FHIP2A: variants seen among roughly 807,000 people sequenced by gnomAD.
FHIP2A encodes the protein FHF complex subunit HOOK interacting protein 2A.
Under a neutral mutation model 93.5 loss-of-function variants are expected in FHIP2A, and 46 were observed. That is an observed-to-expected ratio of 0.49 (90% CI 0.39 to 0.63). The LOEUF (loss-of-function observed/expected upper bound fraction) is 0.63. Ranked by LOEUF, FHIP2A falls within the 20% of genes least tolerant of loss-of-function variation. FHIP2A has a pLI of 0.00. For missense variants in FHIP2A, 769 were observed against 909.7 expected, an observed-to-expected ratio of 0.85 and a Z score of 1.99; for synonymous variants, 332 against 326.5, an observed-to-expected ratio of 1.02 and a Z score of -0.18.
In FHIP2A at chr10:114,890,481, A is replaced by G. The variant is rs1159241709; in HGVS notation, c.2193-9009A>G. On this transcript the variant is annotated intron_variant, in intron 16 of 16. Coordinates refer to the FHIP2A transcript ENST00000369250. ...TATATTTGCATATATTATATATACA[A>G]TATATACTATATATGACATATATAG... 2.7e-5 allele frequency among the ~76,000 whole-genome samples: 4 copies of G among 148,034 alleles called. No individual in the cohort carries two copies. The Admixed American group carries it at 2.7e-4, about 10-fold the overall frequency.
chr10:114,883,304 A>G (rs1217340580), intron 16 of FHIP2A, among the ~76,000 whole-genome samples: 1 of 152,114 alleles, frequency 6.6e-6, no homozygotes, highest in African/African-American at 2.4e-5. Flanking sequence ...GGGGATGAAG[A>G]GTGGCTTTGG....
At chr10:114,881,313 A>G (rs1013414978) in intron 16 of FHIP2A, among the ~76,000 whole-genome samples, 3 of 152,176 alleles carry the variant, frequency 2.0e-5, no homozygotes, top group Non-Finnish European at 4.4e-5. Flanking sequence ...AGCCTTCAAG[A>G]GTAAGGGAGA....
intron 16 of FHIP2A, among the ~76,000 whole-genome samples, chr10:114,870,289 A>T (rs10885620): frequency 0.55 from 83,593 of 151,884 alleles, 23,764 homozygotes; most frequent in African/African-American, 0.7. Flanking sequence ...CCTGTGTTAT[A>T]TTTAAAGACC....
At chr10:114,835,279 G>C (rs775631138) in intron 3 of FHIP2A, among the ~76,000 whole-genome samples, 1 of 152,122 alleles carries the variant, frequency 6.6e-6, no homozygotes, top group Non-Finnish European at 1.5e-5. Context: ...TATTATTACC[G>C]TGCTGTTTGT....
At position 114,861,419 on chromosome 10, in the gene FHIP2A, GT is replaced by G. The variant is rs1566378231; in HGVS notation, c.2193-10del. On this transcript the variant is annotated splice_polypyrimidine_tract_variant and intron_variant, in intron 16 of 16. Transcript: ENST00000369248. ...GCTATCTTGAATTGATTTATTGTCT[GT>G]TTTTTCCTTACCAGTATTGACCACA... 6.2e-7 allele frequency: 1 copy of G among 1,613,858 alleles called. No individual in the cohort carries two copies. Among genetic ancestry groups the G allele is most frequent in the Admixed American group, 1.7e-5 (1 of 59,958 alleles).
intron 14 of FHIP2A, 42 bp from the exon 15 acceptor site, chr10:114,860,707 A>G: frequency 6.9e-7 from 1 of 1,454,574 alleles, no homozygotes; most frequent in Non-Finnish European, 9.7e-7. Flanking sequence ...ACACCGGTAT[A>G]CATTATTTTT....
At chr10:114,858,706 A>G (rs961335310) in intron 14 of FHIP2A, among the ~76,000 whole-genome samples, 2 of 151,800 alleles carry the variant, frequency 1.3e-5, no homozygotes, top group African/African-American at 2.4e-5. Context: ...AGAGAAGGCT[A>G]TTCTGTTGCA....
At chr10:114,825,401 A>G (rs2083567366) in intron 1 of FHIP2A, among the ~76,000 whole-genome samples, 1 of 152,216 alleles carries the variant, frequency 6.6e-6, no homozygotes, top group African/African-American at 2.4e-5. Context: ...CTTACTGTTT[A>G]ATTAATGGTT....
At chr10:114,843,644 T>C in intron 6 of FHIP2A, 97 bp from the exon 7 acceptor site, 1 of 935,510 alleles carries the variant, frequency 1.1e-6, no homozygotes, top group South Asian at 2.6e-5. Context: ...TATTTTTCTT[T>C]TAGTGTGAAA....
chr10:114,835,967 G>T (rs1160863619), intron 4 of FHIP2A, among the ~76,000 whole-genome samples, 157 bp from the exon 5 acceptor site: 2 of 151,902 alleles, frequency 1.3e-5, no homozygotes, highest in South Asian at 2.1e-4. Context: ...AGTTTATTTT[G>T]ATATAGATAA....
intron 5 of FHIP2A, among the ~76,000 whole-genome samples, chr10:114,840,127 A>T (rs2083660975): frequency 6.6e-6 from 1 of 151,356 alleles, no homozygotes. Flanking sequence ...GGTGATTCAC[A>T]CCTGTAATCC....
At chr10:114,889,017 C>A (rs556091137) in intron 16 of FHIP2A, among the ~76,000 whole-genome samples, 1 of 152,088 alleles carries the variant, frequency 6.6e-6, no homozygotes, top group African/African-American at 2.4e-5. Context: ...ATCTATATTG[C>A]TTACCAAAAG....
chr10:114,889,563 C>T (rs952883091), intron 16 of FHIP2A, among the ~76,000 whole-genome samples: 16 of 152,246 alleles, frequency 1.1e-4, no homozygotes, highest in Admixed American at 6.5e-4. Flanking sequence ...TCATTACACT[C>T]ATTATGGCCT....
Position 114,861,276 on chromosome 10 carries a change from A to G in FHIP2A, c.2134A>G (p.Thr712Ala). Residue 712 changes from threonine to alanine, a missense_variant, in exon 16 of 17, where the codon ACT becomes GCT. Thr to Ala is a moderately conservative substitution (Grantham distance 58, BLOSUM62 0). Transcript: ENST00000369248. ...TCGAATCCAGCGTATTCAAGACTTT[A>G]CTCCCAAGCTTCTGTTAGTCAGAAA... ...MLRIQRIQDF[T>A]PKLLLVRKRL... 1 of 1,614,022 alleles carries G rather than the reference A, an allele frequency of 6.2e-7. No homozygotes were observed.
At position 114,846,645 on chromosome 10, in the gene FHIP2A, T is replaced by G. The variant is rs762907523; in HGVS notation, c.1485T>G (p.Leu495=). Residue 495 remains leucine (L), a synonymous_variant, in exon 11 of 17, where the codon CTT becomes CTG. Coordinates refer to ENST00000369248, the MANE Select transcript of FHIP2A (RefSeq NM_020940.4). ...TTTACAACTTGGTCTTGAGAAATCT[T>G]GAAGAAAGAAATTATACAGAATATA... is the stretch of plus-strand genomic sequence containing the variant. ...HILYNLVLRN[L]EERNYTEYKP... 3 of 1,612,254 alleles carry G rather than the reference T, an allele frequency of 1.9e-6. No homozygotes were observed. In the Admixed American group the frequency reaches 5.0e-5, roughly 27 times the overall value.
In FHIP2A at chr10:114,842,996, G is replaced by A. The variant is rs756264301; in HGVS notation, c.586G>A (p.Gly196Ser). Residue 196 changes from glycine to serine, a missense_variant, in exon 6 of 17, where the codon GGT becomes AGT. By Grantham distance (56) the Gly-to-Ser change is moderately conservative. Coordinates refer to ENST00000369248, the MANE Select transcript of FHIP2A (RefSeq NM_020940.4). ...PNVISEDTLK[G>S]QDSLSTDTGQ... ...TGTAATTTCAGAAGATACATTAAAA[G>A]GTCAGGATTCCTTGTCAACAGATAC... is the stretch of plus-strand genomic sequence containing the variant. The A allele has an allele frequency of 1.2e-6, 2 of 1,613,098 alleles. No individual in the cohort carries two copies. Among genetic ancestry groups the A allele is most frequent in the Non-Finnish European group, 1.7e-6 (2 of 1,179,258 alleles).
intron 16 of FHIP2A, among the ~76,000 whole-genome samples, chr10:114,872,859 CCA>C (rs1296451232): frequency 3.0e-4 from 46 of 152,324 alleles, no homozygotes; most frequent in African/African-American, 1.0e-3. Context: ...CTCCAAATCC[CCA>C]TCCCTGAGGG....
At chr10:114,825,809 T>A (rs2083572436) in intron 1 of FHIP2A, among the ~76,000 whole-genome samples, 1 of 152,254 alleles carries the variant, frequency 6.6e-6, no homozygotes, top group African/African-American at 2.4e-5. Flanking sequence ...TAGTCCTCAC[T>A]AGGGAATGTG....
chr10:114,835,826 C>A (rs908754778), intron 4 of FHIP2A, among the ~76,000 whole-genome samples, 185 bp downstream of exon 4: 23 of 152,218 alleles, frequency 1.5e-4, no homozygotes, highest in African/African-American at 5.5e-4. Flanking sequence ...TACTTACAGT[C>A]TTTCTGATTC....
Sources: allele counts gnomAD v4.1 joint callset (sites outside exome capture counted in the v4.1 genomes callset), GRCh38; gene constraint gnomAD v4.1.1; transcripts MANE v1.5; gene names NCBI Gene and HGNC (gene_info 2026-07-23, HGNC 2026-07-21).